The following TNKS variants were observed in gnomAD, a reference collection of about 807,000 sequenced individuals.
The protein encoded by TNKS is tankyrase, also known as poly [ADP-ribose] polymerase tankyrase-1.
TNKS carries 72 observed loss-of-function variants against 135.8 expected under a neutral mutation model. The ratio of observed to expected loss-of-function variants is 0.53; its 90% CI spans 0.44 to 0.64. The LOEUF is 0.64. Ranked by LOEUF, TNKS falls within the 30% of genes least tolerant of loss-of-function variation. TNKS has a pLI of 0.00. For missense variants in TNKS, 1,769 were observed against 1,674.0 expected (o/e 1.06, Z -0.99); for synonymous variants, 849 against 649.3 (o/e 1.31, Z -4.68).
intron 22 of TNKS, among the ~76,000 whole-genome samples, chr8:9,764,107 A>G (rs1387920182): frequency 6.6e-6 from 1 of 152,168 alleles, no homozygotes; most frequent in African/African-American, 2.4e-5. Flanking sequence ...CAAGTGGAGC[A>G]GTAAGGAAGA....
chr8:9,665,965 C>T (rs897641731), intron 3 of TNKS, among the ~76,000 whole-genome samples: 5 of 152,144 alleles, frequency 3.3e-5, no homozygotes, highest in African/African-American at 1.2e-4. Context: ...CTTCTTCCTC[C>T]CCTCCTCTTT....
intron 5 of TNKS, among the ~76,000 whole-genome samples, chr8:9,698,065 C>T (rs776084481): frequency 6.6e-6 from 1 of 152,132 alleles, no homozygotes; most frequent in Non-Finnish European, 1.5e-5. Context: ...GAATACCACA[C>T]AGCCCTGAAA....
chr8:9,665,436 T>C (rs1020202712), intron 3 of TNKS, among the ~76,000 whole-genome samples: 3 of 152,244 alleles, frequency 2.0e-5, no homozygotes, highest in African/African-American at 7.2e-5. Context: ...CTGTTTTTTA[T>C]TCGTATTTCC....
intron 2 of TNKS, among the ~76,000 whole-genome samples, chr8:9,597,160 A>AT (rs1215182675): frequency 1.3e-5 from 2 of 152,214 alleles, no homozygotes; most frequent in Non-Finnish European, 2.9e-5. Flanking sequence ...ATACAGACTG[A>AT]TTTTACACAT....
At chr8:9,649,551 T>C (rs1801057363) in intron 3 of TNKS, among the ~76,000 whole-genome samples, 1 of 152,134 alleles carries the variant, frequency 6.6e-6, no homozygotes, top group Non-Finnish European at 1.5e-5. Flanking sequence ...TGGTAATTTC[T>C]GAGATTTTCG....
At chr8:9,733,657 AT>A (rs1428113676) in intron 15 of TNKS, among the ~76,000 whole-genome samples, 2 of 152,320 alleles carry the variant, frequency 1.3e-5, no homozygotes, top group East Asian at 3.9e-4. Flanking sequence ...AGTCCATGTC[AT>A]AAAAATTCAT....
Position 9,739,425 on chromosome 8 carries a change from G to A in TNKS, c.2643+3939G>A, listed in dbSNP as rs1392854974. Among the ~76,000 whole-genome samples the A allele has an allele frequency of 2.9e-4, 11 of 38,554 alleles. 4 individuals are homozygous for A. The highest frequency in any genetic ancestry group is 1.2e-3 in the African/African-American group (11 of 8,940). 25.3% of individuals were successfully genotyped at this position (38,554 alleles called of 152,430 possible). A position where few individuals can be genotyped will look rare whatever the true frequency, so the allele number is the denominator to read the frequency against. On this transcript the variant is annotated intron_variant, in intron 17 of 26. Transcript: ENST00000310430. ...AAACAACAGGTGCTTGAGAGGAGGC[G>A]GAGAAATAGGAACACTTTTACACTG...
At chr8:9,581,464 C>A (rs1204415685) in intron 2 of TNKS, among the ~76,000 whole-genome samples, 1 of 152,178 alleles carries the variant, frequency 6.6e-6, no homozygotes, top group Non-Finnish European at 1.5e-5. Context: ...ATAGCCACAT[C>A]CTGGACCAAG....
intron 5 of TNKS, among the ~76,000 whole-genome samples, chr8:9,694,131 A>G (rs1042575711): frequency 6.6e-6 from 1 of 152,212 alleles, no homozygotes; most frequent in African/African-American, 2.4e-5. Context: ...AAATGCATCG[A>G]ACATCACACA....
At chr8:9,583,130 A>G (rs1798232118) in intron 2 of TNKS, among the ~76,000 whole-genome samples, 2 of 144,936 alleles carry the variant, frequency 1.4e-5, no homozygotes. Flanking sequence ...GCACCACTGC[A>G]CTCCAGCCTG....
chr8:9,762,952 A>G (rs930994994), intron 21 of TNKS, among the ~76,000 whole-genome samples, 195 bp from the exon 22 acceptor site: 1 of 150,258 alleles, frequency 6.7e-6, no homozygotes, highest in Admixed American at 6.7e-5. Context: ...AAACATCTTC[A>G]TTTTTTTCTC....
Position 9,687,446 on chromosome 8 carries a change from G to A in TNKS, c.1107+6646G>A, listed in dbSNP as rs145276990. Among the ~76,000 whole-genome samples the A allele has an allele frequency of 1.5e-3, 228 of 152,242 alleles. 2 individuals are homozygous for A. The highest frequency in any genetic ancestry group is 5.6e-3 in the East Asian group (29 of 5,176). On this transcript the variant is annotated intron_variant, in intron 5 of 26. Transcript: ENST00000310430. ...TATTGTATAAAATCTTTATGCTTATGTATATTCATTTTGTACCAATGAGGA... is the reference window on the plus strand; with the variant it reads ...TATTGTATAAAATCTTTATGCTTATATATATTCATTTTGTACCAATGAGGA...
chr8:9,669,522 T>A (rs897180385), intron 3 of TNKS, among the ~76,000 whole-genome samples: 16 of 152,120 alleles, frequency 1.1e-4, no homozygotes, highest in Middle Eastern at 3.2e-3. Flanking sequence ...TGTGTTAGGT[T>A]AATGTGTAAC....
At chr8:9,661,603 A>C (rs1246724626) in intron 3 of TNKS, among the ~76,000 whole-genome samples, 1 of 152,236 alleles carries the variant, frequency 6.6e-6, no homozygotes, top group Non-Finnish European at 1.5e-5. Flanking sequence ...TTAAAGACTT[A>C]AATGTTAGAC....
In TNKS at chr8:9,721,557, A is replaced by G. The variant is rs1465180730; in HGVS notation, c.1921+1012A>G. ...GAATGAAATGACAAACCAGAAGAGTAAAATGTAGAAGGCTATAGACTAGGA... is the reference window on the plus strand; with the variant it reads ...GAATGAAATGACAAACCAGAAGAGTGAAATGTAGAAGGCTATAGACTAGGA... On this transcript the variant is annotated intron_variant, in intron 12 of 26. Coordinates refer to ENST00000310430, the MANE Select transcript of TNKS (RefSeq NM_003747.3). 5.4e-5 allele frequency among the ~76,000 whole-genome samples: 4 copies of G among 74,502 alleles called. No individual in the cohort carries two copies. In the East Asian group the frequency reaches 1.2e-3, roughly 23 times the overall value. The allele number at this position is 74,502 out of a possible 152,430, so 48.9% of individuals were successfully genotyped here.
intron 20 of TNKS, among the ~76,000 whole-genome samples, chr8:9,759,974 T>C (rs555079201): frequency 6.7e-6 from 1 of 149,082 alleles, no homozygotes; most frequent in South Asian, 2.1e-4. Context: ...CGAGACTCTG[T>C]CTCAAAAGAA....
chr8:9,768,651 G>A (rs1807610165), intron 25 of TNKS, among the ~76,000 whole-genome samples: 1 of 152,236 alleles, frequency 6.6e-6, no homozygotes, highest in Non-Finnish European at 1.5e-5. Context: ...GAGCCCTGGG[G>A]CAGGAAGCAG....
chr8:9,569,006 TG>T (rs1797659800), intron 1 of TNKS, among the ~76,000 whole-genome samples: 1 of 152,248 alleles, frequency 6.6e-6, no homozygotes, highest in Admixed American at 6.5e-5. Context: ...TTCCAAATGT[TG>T]ACACATTTTA....
At chr8:9,711,286 T>C (rs892685301) in intron 11 of TNKS, among the ~76,000 whole-genome samples, 3 of 152,200 alleles carry the variant, frequency 2.0e-5, no homozygotes, top group Non-Finnish European at 2.9e-5. Context: ...GTGTCAGCCA[T>C]TGTGACTCGT....
Sources: gnomAD v4.1 joint callset for allele counts (sites outside exome capture counted in the v4.1 genomes callset) on GRCh38, gnomAD v4.1.1 for gene constraint, MANE v1.5 for transcripts, NCBI Gene and HGNC (gene_info 2026-07-23, HGNC 2026-07-21) for gene names.